Variants in TENM2 observed in about 807,000 individuals in gnomAD.
TENM2 encodes the protein teneurin transmembrane protein 2, also known as teneurin-2.
TENM2 carries 52 observed loss-of-function variants against 245.2 expected under a neutral mutation model. That is an observed-to-expected ratio of 0.21 (90% CI 0.17 to 0.27). The LOEUF is 0.27. Among genes scored for constraint, TENM2 ranks in the 10% least tolerant of loss-of-function variants. TENM2 has a pLI of 1.00. For missense variants in TENM2, 3,046 were observed against 3,666.8 expected, an observed-to-expected ratio of 0.83 and a Z score of 4.37; for synonymous variants, 1,363 against 1,438.9, an observed-to-expected ratio of 0.95 and a Z score of 1.19.
intron 2 of TENM2, among the ~76,000 whole-genome samples, chr5:167,720,967 T>A (rs958276827): frequency 3.9e-5 from 6 of 152,244 alleles, no homozygotes; most frequent in Admixed American, 2.0e-4. Flanking sequence ...CAGTCGTCTT[T>A]GCAGATGCCA....
intron 2 of TENM2, among the ~76,000 whole-genome samples, chr5:167,623,326 C>A (rs1292863703): frequency 6.6e-6 from 1 of 152,040 alleles, no homozygotes; most frequent in African/African-American, 2.4e-5. Context: ...CAGGGAAGAC[C>A]GAATTCTCTT....
intron 2 of TENM2, among the ~76,000 whole-genome samples, chr5:167,658,170 C>T (rs1043907474): frequency 2.0e-5 from 3 of 151,394 alleles, no homozygotes; most frequent in Admixed American, 1.3e-4. Flanking sequence ...GCTGTGTCCT[C>T]ACATGGCAGA....
At chr5:167,502,166 TTG>T (rs961263787) in intron 2 of TENM2, among the ~76,000 whole-genome samples, 52 of 152,308 alleles carry the variant, frequency 3.4e-4, no homozygotes, top group Admixed American at 1.4e-3. Flanking sequence ...GGGATAGAGT[TTG>T]TGATAACAAT....
intron 1 of TENM2, among the ~76,000 whole-genome samples, chr5:167,372,475 A>G (rs1398122979): frequency 6.6e-6 from 1 of 152,224 alleles, no homozygotes; most frequent in African/African-American, 2.4e-5. Context: ...AACCACATGC[A>G]GTGCTCTTCA....
intron 6 of TENM2, among the ~76,000 whole-genome samples, chr5:168,054,100 G>A (rs1336560534): frequency 4.6e-5 from 7 of 152,144 alleles, no homozygotes; most frequent in Admixed American, 6.5e-5. Context: ...CGTTCCTAGC[G>A]GCAAAGAGTT....
chr5:167,500,879 G>A (rs1769168930), intron 2 of TENM2, among the ~76,000 whole-genome samples: 1 of 152,018 alleles, frequency 6.6e-6, no homozygotes, highest in South Asian at 2.1e-4. Flanking sequence ...AATACCGGTG[G>A]CCCCCAGTAC....
intron 5 of TENM2, among the ~76,000 whole-genome samples, chr5:168,038,094 A>T (rs1299057794): frequency 6.6e-6 from 1 of 152,226 alleles, no homozygotes; most frequent in African/African-American, 2.4e-5. Context: ...CACACAGCTC[A>T]GGTTCAAATC....
intron 1 of TENM2, among the ~76,000 whole-genome samples, chr5:167,324,794 T>C (rs1756988849): frequency 6.6e-6 from 1 of 152,170 alleles, no homozygotes; most frequent in African/African-American, 2.4e-5. Context: ...CACTTTCAGG[T>C]ACATTGATTT....
rs752993443 is a variant in TENM2 at position 168,218,614 on chromosome 5, C to G, written c.4723C>G (p.Pro1575Ala). 2.5e-6 allele frequency: 4 copies of G among 1,613,982 alleles called. No individual in the cohort carries two copies. Among genetic ancestry groups the G allele is most frequent in the South Asian group, 2.2e-5 (2 of 91,076 alleles). The change falls in exon 23 of 29, where the codon CCT becomes GCT. Residue 1575 changes from proline to alanine, a missense_variant. Physicochemically the swap from Pro to Ala is conservative, Grantham distance 27. Coordinates refer to ENST00000518659, the Ensembl canonical transcript of TENM2. The surrounding 1 kb of genome is among the most constrained non-coding windows in gnomAD (Gnocchi z 5.2). ...GATCAGGGCGGTCAGCAAGAACAAG[C>G]CTGTTCTTAATGCCTTCAACCAGTA...
At chr5:167,625,352 G>T (rs528572998) in intron 2 of TENM2, among the ~76,000 whole-genome samples, 1 of 152,126 alleles carries the variant, frequency 6.6e-6, no homozygotes, top group African/African-American at 2.4e-5. Flanking sequence ...CTACTATTCA[G>T]ATTTTTTTTC....
At chr5:167,088,988 G>C in the TENM2 span, among the ~76,000 whole-genome samples, 1 of 152,178 alleles carries the variant, frequency 6.6e-6, no homozygotes, top group Non-Finnish European at 1.5e-5. Context: ...ACTTTATTTA[G>C]ACGCAGTTTC....
chr5:167,124,162 C>A, the TENM2 span, among the ~76,000 whole-genome samples: 7 of 152,242 alleles, frequency 4.6e-5, no homozygotes, highest in East Asian at 1.4e-3. Flanking sequence ...GATTCCTCAT[C>A]CATAAATCAA....
chr5:167,247,208 C>T, the TENM2 span, among the ~76,000 whole-genome samples: 2 of 152,202 alleles, frequency 1.3e-5, no homozygotes, highest in South Asian at 4.1e-4. Context: ...CTCAGACACA[C>T]AGAGCTTAAG....
intron 2 of TENM2, among the ~76,000 whole-genome samples, chr5:167,635,908 C>G (rs375343999): frequency 6.8e-6 from 1 of 147,346 alleles, no homozygotes; most frequent in South Asian, 2.2e-4. Flanking sequence ...CCTCCCAAAG[C>G]ACTGGGATTA....
At chr5:167,835,857 C>A (rs1427648906) in intron 2 of TENM2, among the ~76,000 whole-genome samples, 1 of 152,116 alleles carries the variant, frequency 6.6e-6, no homozygotes, top group African/African-American at 2.4e-5. Context: ...AACACCCCTC[C>A]CCTTTTTAAT....
At chr5:167,470,454 C>CTTTTTTTGT (rs1766941747) in intron 2 of TENM2, among the ~76,000 whole-genome samples, 1 of 47,394 alleles carries the variant, frequency 2.1e-5, no homozygotes, top group Non-Finnish European at 3.6e-5. Flanking sequence ...GCAATGCTTG[C>CTTTTTTTGT]TTTTTTTTTT....
intron 2 of TENM2, among the ~76,000 whole-genome samples, chr5:167,865,522 C>T (rs1308429292): frequency 6.6e-6 from 1 of 152,162 alleles, no homozygotes; most frequent in South Asian, 2.1e-4. Context: ...GATCCTCCTG[C>T]CTTGGCCTCC....
intron 2 of TENM2, among the ~76,000 whole-genome samples, chr5:167,475,678 GT>G (rs1767326634): frequency 6.6e-6 from 1 of 151,830 alleles, no homozygotes. Context: ...GCCCCAGTGT[GT>G]GATGTTCCCC....
the TENM2 span, among the ~76,000 whole-genome samples, chr5:167,069,648 G>A: frequency 8.5e-5 from 13 of 152,246 alleles, no homozygotes; most frequent in South Asian, 2.7e-3. Flanking sequence ...TCTATTCCAA[G>A]TGAATTTATT....
Sources: gnomAD v4.1 joint callset for allele counts (sites outside exome capture counted in the v4.1 genomes callset) on GRCh38, gnomAD v4.1.1 for gene constraint, Gnocchi (gnomAD v3.1) non-coding constraint, MANE v1.5 for transcripts, NCBI Gene and HGNC (gene_info 2026-07-23, HGNC 2026-07-21) for gene names.